The following ERG variants were observed in gnomAD, a reference collection of about 807,000 sequenced individuals.
The protein encoded by ERG is ETS transcription factor ERG.
Under a neutral mutation model 55.3 loss-of-function variants are expected in ERG, and 9 were observed. That is an observed-to-expected ratio of 0.16 (90% CI 0.10 to 0.28). The LOEUF is 0.28. ERG is among the 10% of genes least tolerant of loss of function. The pLI, the probability that ERG is intolerant of heterozygous loss-of-function variation, is 1.00. For missense variants in ERG, 434 were observed against 631.6 expected, an observed-to-expected ratio of 0.69 and a Z score of 3.35; for synonymous variants, 223 against 237.3, an observed-to-expected ratio of 0.94 and a Z score of 0.55.
intron 1 of ERG, among the ~76,000 whole-genome samples, chr21:38,637,409 A>G (rs1270141262): frequency 6.6e-6 from 1 of 152,234 alleles, no homozygotes; most frequent in Non-Finnish European, 1.5e-5. Context: ...CTTGGGCTCA[A>G]TATTTTGGAA....
chr21:38,426,202 C>G (rs1296100511), intron 2 of ERG, among the ~76,000 whole-genome samples: 1 of 152,180 alleles, frequency 6.6e-6, no homozygotes, highest in African/African-American at 2.4e-5. Flanking sequence ...CTGAATATTT[C>G]CACCGCTGCC....
chr21:38,575,557 G>C, intron 2 of ERG: 1 of 802,790 alleles, frequency 1.2e-6, no homozygotes, highest in South Asian at 1.4e-5. Context: ...TTAGCTCCTG[G>C]GCTGTGTTGA....
At chr21:38,462,494 T>C (rs774384987) in intron 1 of ERG, among the ~76,000 whole-genome samples, 11 of 152,180 alleles carry the variant, frequency 7.2e-5, no homozygotes, top group Non-Finnish European at 2.9e-5. Context: ...CTTACTGAAG[T>C]AACCCACAGT....
At chr21:38,451,035 T>C (rs993501556) in intron 1 of ERG, 1 of 432,336 alleles carries the variant, frequency 2.3e-6, no homozygotes. Flanking sequence ...TGGCTGTTAC[T>C]GGAAGGAAGA....
rs950841303 is a variant in ERG at position 38,480,592 on chromosome 21, T to C, written c.18+17771A>G. 1.1e-4 allele frequency among the ~76,000 whole-genome samples: 6 copies of C among 53,826 alleles called. No homozygotes were observed. The East Asian group carries it at 5.3e-3, about 47-fold the overall frequency. The allele number at this position is 53,826 out of a possible 152,430, so 35.3% of individuals were successfully genotyped here. ...TGCCACTTTAGGGCACTATATGGCCTTTTTTTTTTTTTTTTTTTTTTTGCC... is the reference window on the plus strand; with the variant it reads ...TGCCACTTTAGGGCACTATATGGCCCTTTTTTTTTTTTTTTTTTTTTTGCC... On this transcript the variant is annotated intron_variant, in intron 1 of 9. Transcript: ENST00000288319.
At chr21:38,494,048 C>G (rs766858825) in intron 1 of ERG, among the ~76,000 whole-genome samples, 25 of 152,186 alleles carry the variant, frequency 1.6e-4, no homozygotes, top group Non-Finnish European at 2.5e-4. Flanking sequence ...CCATTATGAT[C>G]CCATTTTACA....
chr21:38,607,210 T>C (rs925721861), intron 1 of ERG, among the ~76,000 whole-genome samples: 2 of 152,092 alleles, frequency 1.3e-5, no homozygotes, highest in African/African-American at 2.4e-5. Context: ...CAAGAGTGAG[T>C]ATAAATTGAA....
At chr21:38,506,075 C>T (rs564065179) in intron 2 of ERG, among the ~76,000 whole-genome samples, 5 of 151,150 alleles carry the variant, frequency 3.3e-5, no homozygotes, top group South Asian at 2.1e-4. Context: ...AAGAAATACA[C>T]GTTTTAGGAG....
chr21:38,607,008 T>TCAAAGA (rs1419816800), intron 1 of ERG, among the ~76,000 whole-genome samples: 1 of 151,872 alleles, frequency 6.6e-6, no homozygotes, highest in African/African-American at 2.4e-5. Context: ...TGATAAAACA[T>TCAAAGA]CAAAGACAAA....
chr21:38,381,600 C>T lies in ERG; in HGVS notation c.*1803G>A, dbSNP rs543391826. On this transcript the variant is annotated 3_prime_UTR_variant, in exon 10 of 10. Transcript: ENST00000288319. The stretch of plus-strand genomic sequence containing the variant: ...AGTGAGAAATTGCAGCTATCCATGA[C>T]GCTTTATTTGCCAGTAATAATACAG... 67 of 1,062,894 alleles carry T rather than the reference C, an allele frequency of 6.3e-5. 1 individual carries two copies. The highest frequency in any genetic ancestry group is 2.7e-4 in the South Asian group (6 of 21,952). 65.8% of individuals were successfully genotyped at this position (1,062,894 alleles called of 1,614,324 possible).
At chr21:38,596,715 C>A (rs2060133573) in intron 1 of ERG, among the ~76,000 whole-genome samples, 1 of 152,204 alleles carries the variant, frequency 6.6e-6, no homozygotes. Flanking sequence ...AAAGTTTTGG[C>A]AACGAGTCTC....
intron 2 of ERG, among the ~76,000 whole-genome samples, chr21:38,573,850 C>A (rs1023305648): frequency 2.0e-5 from 3 of 152,142 alleles, no homozygotes; most frequent in Non-Finnish European, 4.4e-5. Flanking sequence ...ACTAGAAATA[C>A]CCACAGTTGT....
At chr21:38,586,807 T>C (rs2060068416), upstream of ERG, among the ~76,000 whole-genome samples, 1 of 152,146 alleles carries the variant, frequency 6.6e-6, no homozygotes, top group South Asian at 2.1e-4. Context: ...AAATGGAAAA[T>C]GAAATCGGTA....
chr21:38,461,686 A>T (rs2059044101), intron 1 of ERG, among the ~76,000 whole-genome samples: 1 of 152,252 alleles, frequency 6.6e-6, no homozygotes, highest in Non-Finnish European at 1.5e-5. Context: ...ATTAGCCCAG[A>T]CATTAAAGAG....
At chr21:38,368,593 C>T in the ERG span, among the ~76,000 whole-genome samples, 2 of 152,122 alleles carry the variant, frequency 1.3e-5, no homozygotes, top group East Asian at 3.8e-4. Flanking sequence ...GGACATAGAT[C>T]CAAACTGTAT....
At chr21:38,455,560 AT>A (rs2058980352) in intron 1 of ERG, among the ~76,000 whole-genome samples, 1 of 152,196 alleles carries the variant, frequency 6.6e-6, no homozygotes, top group African/African-American at 2.4e-5. Flanking sequence ...AAGGCTAAAA[AT>A]ACAGTGTGCT....
rs1018802832 is a variant in ERG, at chr21:38,613,856, C to G, written c.-149-28911G>C. 2.0e-5 allele frequency among the ~76,000 whole-genome samples: 3 copies of G among 152,328 alleles called. No individual in the cohort carries two copies. In the East Asian group the frequency reaches 5.8e-4, roughly 29 times the overall value. ...CAATACCAACCACAGGCTGGGCCCCCCCTCTTCAGCCGGCCCCTGCCCAGG... is the reference window on the plus strand; with the variant it reads ...CAATACCAACCACAGGCTGGGCCCCGCCTCTTCAGCCGGCCCCTGCCCAGG... On this transcript the variant is annotated intron_variant, in intron 1 of 10. Coordinates refer to the ERG transcript ENST00000398910.
intron 2 of ERG, among the ~76,000 whole-genome samples, chr21:38,424,789 G>T (rs1222631065): frequency 6.6e-6 from 1 of 152,160 alleles, no homozygotes; most frequent in African/African-American, 2.4e-5. Flanking sequence ...GACAGGAAGG[G>T]CAGGGAAGGG....
chr21:38,636,694 G>A (rs2060391264), intron 1 of ERG, among the ~76,000 whole-genome samples: 1 of 151,976 alleles, frequency 6.6e-6, no homozygotes, highest in African/African-American at 2.4e-5. Context: ...CTCCCACCTG[G>A]GCTGGCTGCA....
Sources: allele counts gnomAD v4.1 joint callset (sites outside exome capture counted in the v4.1 genomes callset), GRCh38; gene constraint gnomAD v4.1.1; transcripts MANE v1.5; gene names NCBI Gene and HGNC (gene_info 2026-07-23, HGNC 2026-07-21).